Variants in APOL3 observed in about 807,000 individuals in gnomAD.
The protein encoded by APOL3 is apolipoprotein L3.
Under a neutral mutation model 11.6 loss-of-function variants are expected in APOL3, and 14 were observed. The observed-to-expected ratio is 1.21, with a 90% CI of 0.80 to 1.89. The LOEUF (loss-of-function observed/expected upper bound fraction) is 1.89, where lower values mean the gene tolerates loss of function less well. Ranked by LOEUF, APOL3 falls within the 40% of genes most tolerant of loss-of-function variation. The pLI, the probability that APOL3 is intolerant of heterozygous loss-of-function variation, is 0.00. For synonymous variants in APOL3, 192 were observed against 190.6 expected (o/e 1.01, Z -0.06); for missense variants, 483 against 492.1 (o/e 0.98, Z 0.17).
exon 1 of APOL3, chr22:36,160,863 T>C: frequency 1.2e-6 from 2 of 1,613,284 alleles, no homozygotes; most frequent in Non-Finnish European, 1.7e-6. Context: ...ACAGGATGCT[T>C]CCCAGCCCCA....
exon 3 of APOL3, chr22:36,140,561 T>C (rs894677489): frequency 6.6e-6 from 1 of 152,426 alleles, no homozygotes; most frequent in Non-Finnish European, 1.5e-5. Flanking sequence ...CATGGCTCAT[T>C]ACCTGGCCTT....
At chr22:36,165,085 C>G (rs1221511565), upstream of APOL3, 1 of 152,096 alleles carries the variant, frequency 6.6e-6, no homozygotes, top group East Asian at 1.9e-4. Flanking sequence ...CAAACTCACT[C>G]TTATCGATAG....
intron 1 of APOL3, among the ~76,000 whole-genome samples, chr22:36,160,090 C>T (rs1210653480): frequency 2.6e-5 from 4 of 152,130 alleles, no homozygotes; most frequent in Non-Finnish European, 5.9e-5. Context: ...TCCATATTGG[C>T]CAGGCAGGTC....
intron 1 of APOL3, among the ~76,000 whole-genome samples, chr22:36,150,636 C>T (rs574283165): frequency 1.3e-5 from 2 of 152,204 alleles, no homozygotes; most frequent in South Asian, 2.1e-4. Flanking sequence ...TTTGGGAGAC[C>T]GAGGCAGGTG....
intron 2 of APOL3, 81 bp downstream of exon 3, chr22:36,145,392 G>GGCA: frequency 6.5e-7 from 1 of 1,534,178 alleles, no homozygotes; most frequent in Non-Finnish European, 8.8e-7. Flanking sequence ...GAGGAGGTGT[G>GGCA]CCTGCCAGAG....
At chr22:36,148,659 G>A (rs1056813482) in intron 1 of APOL3, among the ~76,000 whole-genome samples, 17 of 152,304 alleles carry the variant, frequency 1.1e-4, no homozygotes, top group African/African-American at 3.6e-4. Flanking sequence ...GCTGGGAGCA[G>A]AGCGGGAGGT....
At chr22:36,140,668 G>T in exon 3 of APOL3, 1 of 155,434 alleles carries the variant, frequency 6.4e-6, no homozygotes, top group Non-Finnish European at 1.4e-5. Context: ...GAAGCCACTG[G>T]CTGACTGAGA....
At chr22:36,141,013 T>C in exon 3 of APOL3, 8 of 779,930 alleles carry the variant, frequency 1.0e-5, no homozygotes, top group Non-Finnish European at 1.6e-5. Flanking sequence ...ATTCCTGCCT[T>C]CTCCTTGGTG....
intron 1 of APOL3, chr22:36,156,800 G>T (rs887929696): frequency 1.9e-5 from 7 of 360,586 alleles, no homozygotes; most frequent in African/African-American, 4.2e-5. Context: ...TGAGCATCCG[G>T]CAGGGACCCT....
At chr22:36,160,536 C>A in intron 1 of APOL3, 133 bp downstream of exon 1, 1 of 918,974 alleles carries the variant, frequency 1.1e-6, no homozygotes, top group South Asian at 1.6e-5. Context: ...TCAGGCTCTG[C>A]CATGGACCGA....
At chr22:36,163,974 ATT>A (rs1438043862), upstream of APOL3, among the ~76,000 whole-genome samples, 1 of 152,184 alleles carries the variant, frequency 6.6e-6, no homozygotes, top group African/African-American at 2.4e-5. Context: ...TGTTATAGTT[ATT>A]CTCATATATT....
chr22:36,158,837 C>T (rs1024283550), intron 1 of APOL3, among the ~76,000 whole-genome samples: 5 of 151,926 alleles, frequency 3.3e-5, no homozygotes, highest in African/African-American at 9.7e-5. Flanking sequence ...CTAATGAATG[C>T]GATGCCTCCC....
At chr22:36,147,926 A>G (rs1035550103) in intron 1 of APOL3, among the ~76,000 whole-genome samples, 1 of 152,228 alleles carries the variant, frequency 6.6e-6, no homozygotes, top group Non-Finnish European at 1.5e-5. Context: ...TACGTTAGGC[A>G]CAAACAAAAC....
chr22:36,145,180 A>G (rs2060146705), intron 2 of APOL3, among the ~76,000 whole-genome samples: 1 of 152,208 alleles, frequency 6.6e-6, no homozygotes. Flanking sequence ...ATAAAGCTCA[A>G]TGGATGAAGA....
intron 1 of APOL3, among the ~76,000 whole-genome samples, chr22:36,152,334 G>C (rs1258433283): frequency 6.6e-6 from 1 of 152,202 alleles, no homozygotes; most frequent in East Asian, 1.9e-4. Context: ...GTACAACTCA[G>C]CTCAACAGTA....
At chr22:36,147,103 C>G (rs754971438) in intron 1 of APOL3, among the ~76,000 whole-genome samples, 21 of 152,188 alleles carry the variant, frequency 1.4e-4, no homozygotes, top group Non-Finnish European at 3.1e-4. Flanking sequence ...TTTGAAGACT[C>G]CATATATTTT....
chr22:36,141,571 G>A (rs747526188), exon 3 of APOL3: 1 of 1,614,224 alleles, frequency 6.2e-7, no homozygotes, highest in Non-Finnish European at 8.5e-7. Context: ...TTATTAAGAA[G>A]GGAAAGTAAG....
At chr22:36,153,704 G>A (rs191131788) in intron 1 of APOL3, among the ~76,000 whole-genome samples, 3 of 152,306 alleles carry the variant, frequency 2.0e-5, no homozygotes, top group East Asian at 1.9e-4. Flanking sequence ...CTGTGAACCC[G>A]GAAAATCTGA....
chr22:36,145,437 C>T (rs1425555664), intron 2 of APOL3, 36 bp downstream of exon 3: 14 of 1,609,402 alleles, frequency 8.7e-6, no homozygotes, highest in Admixed American at 1.7e-5. Context: ...ATGGCATAGC[C>T]GGGGCGCCCC....
Sources: gnomAD v4.1 joint callset for allele counts (sites outside exome capture counted in the v4.1 genomes callset) on GRCh38, gnomAD v4.1.1 for gene constraint, MANE v1.5 for transcripts, NCBI Gene and HGNC (gene_info 2026-07-23, HGNC 2026-07-21) for gene names.